EPHA6: variants seen among roughly 807,000 people sequenced by gnomAD.
The protein encoded by EPHA6 is ephrin type-A receptor 6.
A neutral mutation model predicts 112.0 loss-of-function variants in EPHA6; 50 were observed. The ratio of observed to expected loss-of-function variants is 0.45; its 90% CI spans 0.36 to 0.56. EPHA6 has a LOEUF of 0.56. Among genes scored for constraint, EPHA6 ranks in the 20% least tolerant of loss-of-function variants. The pLI is 0.00. For synonymous variants in EPHA6, 529 were observed against 490.7 expected (o/e 1.08, Z -1.03); for missense variants, 1,280 against 1,417.4 (o/e 0.90, Z 1.56).
intron 8 of EPHA6, among the ~76,000 whole-genome samples, chr3:97,475,945 TA>T (rs750986957): frequency 6.6e-6 from 1 of 152,114 alleles, no homozygotes; most frequent in Non-Finnish European, 1.5e-5. Flanking sequence ...AAACTAACAG[TA>T]AATTTAACAT....
chr3:96,987,129 G>C (rs2043051923), intron 2 of EPHA6, among the ~76,000 whole-genome samples: 1 of 152,216 alleles, frequency 6.6e-6, no homozygotes, highest in Admixed American at 6.5e-5. Context: ...AGGAAGGCAA[G>C]ACAGGACAGC....
intron 5 of EPHA6, among the ~76,000 whole-genome samples, chr3:97,372,342 G>C (rs2085105615): frequency 6.6e-6 from 1 of 152,094 alleles, no homozygotes; most frequent in Non-Finnish European, 1.5e-5. Context: ...CCTGGATATT[G>C]GGGAGCATGT....
chr3:97,076,102 G>A (rs1381320904), intron 3 of EPHA6, among the ~76,000 whole-genome samples: 1 of 152,076 alleles, frequency 6.6e-6, no homozygotes, highest in Non-Finnish European at 1.5e-5. Context: ...GAAAGGAAGA[G>A]TGTCACATCT....
chr3:97,123,125 A>T (rs557962583), intron 3 of EPHA6, among the ~76,000 whole-genome samples: 1 of 152,134 alleles, frequency 6.6e-6, no homozygotes, highest in African/African-American at 2.4e-5. Flanking sequence ...AATGAAAATC[A>T]CAAATTAGGT....
chr3:97,524,476 GT>G (rs936140279), intron 10 of EPHA6, among the ~76,000 whole-genome samples: 129 of 151,668 alleles, frequency 8.5e-4, no homozygotes, highest in African/African-American at 3.1e-3. Context: ...AAATACATTT[GT>G]TTTTTTAACT....
chr3:96,878,020 A>G (rs2037080575), intron 2 of EPHA6, among the ~76,000 whole-genome samples: 1 of 151,372 alleles, frequency 6.6e-6, no homozygotes, highest in Non-Finnish European at 1.5e-5. Context: ...AGAGAGTTTG[A>G]TTTAATAATG....
chr3:97,306,949 T>A (rs909566567), intron 5 of EPHA6, among the ~76,000 whole-genome samples: 1 of 151,788 alleles, frequency 6.6e-6, no homozygotes, highest in African/African-American at 2.4e-5. Context: ...CAAATTTTGC[T>A]GTTACCTTAT....
chr3:97,662,818 C>A (rs1203946047), intron 14 of EPHA6, among the ~76,000 whole-genome samples: 3 of 152,198 alleles, frequency 2.0e-5, no homozygotes, highest in Middle Eastern at 3.2e-3. Flanking sequence ...CAGGCACTGG[C>A]AGTATGCTGC....
At chr3:97,292,331 G>C (rs931233230) in intron 5 of EPHA6, among the ~76,000 whole-genome samples, 3 of 152,242 alleles carry the variant, frequency 2.0e-5, no homozygotes, top group African/African-American at 7.2e-5. Context: ...GTAAATGGGG[G>C]AGAAAAGTTT....
At chr3:97,748,480 C>T (rs908074040) in intron 17 of EPHA6, 107 bp from the exon 18 acceptor site, 1 of 668,000 alleles carries the variant, frequency 1.5e-6, no homozygotes, top group African/African-American at 1.8e-5. Context: ...TTCACTTTAT[C>T]TTGCATGCTT....
At chr3:97,178,060 A>G (rs1229878638) in intron 3 of EPHA6, among the ~76,000 whole-genome samples, 2 of 151,968 alleles carry the variant, frequency 1.3e-5, no homozygotes, top group African/African-American at 4.8e-5. Context: ...TCCACAAGTG[A>G]AGATGATTTT....
chr3:97,175,696 C>T (rs1167584967), intron 3 of EPHA6, among the ~76,000 whole-genome samples: 2 of 151,714 alleles, frequency 1.3e-5, no homozygotes, highest in African/African-American at 4.8e-5. Context: ...ACATTATTCA[C>T]TGTTGGCAGA....
rs533363305 is a variant in EPHA6, at chr3:96,918,670, T to G, written c.450+51781T>G. ...TTTTAATGTTATTTTATGGGAAAAATATGTATTTCAAACTTGGGCTTTAAG... is the reference window on the plus strand; with the variant it reads ...TTTTAATGTTATTTTATGGGAAAAAGATGTATTTCAAACTTGGGCTTTAAG... On this transcript the variant is annotated intron_variant, in intron 2 of 17. Transcript: ENST00000389672. 2.6e-5 allele frequency among the ~76,000 whole-genome samples: 4 copies of G among 152,168 alleles called. No individual in the cohort carries two copies. The East Asian group carries it at 5.8e-4, about 22-fold the overall frequency.
At chr3:97,036,641 G>A (rs1368825650) in intron 3 of EPHA6, among the ~76,000 whole-genome samples, 1 of 151,916 alleles carries the variant, frequency 6.6e-6, no homozygotes, top group Non-Finnish European at 1.5e-5. Flanking sequence ...GTTTTCAAGT[G>A]ACATTCTTGA....
chr3:97,319,532 T>C (rs1576943994), intron 5 of EPHA6, among the ~76,000 whole-genome samples: 1 of 150,656 alleles, frequency 6.6e-6, no homozygotes. Flanking sequence ...TAGCCAGATA[T>C]GGTGGCCCAC....
At chr3:97,002,858 G>A (rs2043719853) in intron 3 of EPHA6, among the ~76,000 whole-genome samples, 1 of 152,062 alleles carries the variant, frequency 6.6e-6, no homozygotes, top group African/African-American at 2.4e-5. Context: ...ATATTAAAAT[G>A]TGTTTAAAGG....
chr3:97,752,869 G>A lies in EPHA6; in HGVS notation c.*4168G>A, dbSNP rs1018484736. ...TGTCCATGTCTCTATATATCAAAGA[G>A]ATTTGAAGCATATGTATCACTTCTT... On this transcript the variant is annotated 3_prime_UTR_variant, in exon 18 of 18. Coordinates refer to ENST00000389672, the MANE Select transcript of EPHA6 (RefSeq NM_001080448.3). Among the ~76,000 whole-genome samples the A allele has an allele frequency of 1.1e-4, 16 of 151,710 alleles. No individual in the cohort carries two copies. Among genetic ancestry groups the A allele is most frequent in the African/African-American group, 3.6e-4 (15 of 41,138 alleles).
Position 97,274,097 on chromosome 3 carries a change from C to T in EPHA6, c.1606+29810C>T, listed in dbSNP as rs550303800. 5.9e-5 allele frequency among the ~76,000 whole-genome samples: 9 copies of T among 152,204 alleles called. No individual in the cohort carries two copies. In the South Asian group the frequency reaches 1.9e-3, roughly 32 times the overall value. Reference sequence around the variant, plus strand: ...AAAGGAAATGAGAGGTTCTAAGAGGCAGGCTAGCGGCTTATAACCTACATG... The same window carrying T: ...AAAGGAAATGAGAGGTTCTAAGAGGTAGGCTAGCGGCTTATAACCTACATG... On this transcript the variant is annotated intron_variant, in intron 5 of 17. Coordinates refer to ENST00000389672, the MANE Select transcript of EPHA6 (RefSeq NM_001080448.3).
chr3:97,466,341 A>G, intron 7 of EPHA6: 1 of 1,603,646 alleles, frequency 6.2e-7, no homozygotes, highest in Non-Finnish European at 8.5e-7. Flanking sequence ...TGGATATATA[A>G]AGTCCTGCAT....
Sources: gnomAD v4.1 joint callset for allele counts (sites outside exome capture counted in the v4.1 genomes callset) on GRCh38, gnomAD v4.1.1 for gene constraint, MANE v1.5 for transcripts, NCBI Gene and HGNC (gene_info 2026-07-23, HGNC 2026-07-21) for gene names.